The following ANXA8 variants were observed in gnomAD, a reference collection of about 807,000 sequenced individuals.
ANXA8 encodes the protein annexin A8.
In ANXA8, 9 loss-of-function variants were observed where a neutral mutation model predicts 26.8. That is an observed-to-expected ratio of 0.34 (90% CI 0.20 to 0.59). The LOEUF (loss-of-function observed/expected upper bound fraction) is 0.59. Ranked by LOEUF, ANXA8 falls within the 20% of genes least tolerant of loss-of-function variation. The pLI, the probability that ANXA8 is intolerant of heterozygous loss-of-function variation, is 0.84. For synonymous variants in ANXA8, 39 were observed against 94.8 expected (o/e 0.41, Z 3.42); for missense variants, 83 against 238.5 (o/e 0.35, Z 4.29).
chr10:47,733,207 T>TTC, the ANXA8 span, among the ~76,000 whole-genome samples: 3 of 90,064 alleles, frequency 3.3e-5, no homozygotes, highest in South Asian at 4.1e-4. Flanking sequence ...CTTTCTTTCT[T>TTC]TCTTTCTTTC....
chr10:47,718,103 G>T, the ANXA8 span, among the ~76,000 whole-genome samples: 1 of 152,146 alleles, frequency 6.6e-6, no homozygotes, highest in Non-Finnish European at 1.5e-5. Flanking sequence ...CTACTTGGGT[G>T]ATGATATGCC....
At chr10:47,528,226 C>T in the ANXA8 span, among the ~76,000 whole-genome samples, 1 of 141,208 alleles carries the variant, frequency 7.1e-6, no homozygotes, top group African/African-American at 2.6e-5. Context: ...ACTACAGGCA[C>T]CCGTTACCAT....
rs1346842546 is a variant in ANXA8 at position 47,473,950 on chromosome 10, G to A, written c.742+20C>T. On this transcript the variant is annotated intron_variant, in intron 9 of 11. Transcript: ENST00000585281. ...CGGTGAGCCCTGTGGCCTGAAAAAC[G>A]TGCAAGTCTGAGCTCTTACCCACAG... The A allele has an allele frequency of 7.0e-5, 32 of 454,226 alleles. 1 individual carries two copies. The highest frequency in any genetic ancestry group is 5.2e-4 in the Middle Eastern group (1 of 1,938). 28.1% of individuals were successfully genotyped at this position (454,226 alleles called of 1,614,324 possible).
the ANXA8 span, among the ~76,000 whole-genome samples, chr10:47,762,359 C>T: frequency 3.5e-5 from 5 of 141,846 alleles, no homozygotes; most frequent in African/African-American, 1.0e-4. Context: ...CAAAAAGGTG[C>T]CTCCCTTAGG....
chr10:47,976,727 C>T, the ANXA8 span, among the ~76,000 whole-genome samples: 1 of 149,078 alleles, frequency 6.7e-6, no homozygotes, highest in African/African-American at 2.4e-5. Context: ...GGCACATTCC[C>T]AGGGATTGTC....
At chr10:47,579,172 C>A in the ANXA8 span, among the ~76,000 whole-genome samples, 1 of 134,198 alleles carries the variant, frequency 7.5e-6, no homozygotes, top group Non-Finnish European at 1.6e-5. Flanking sequence ...CAGGGTCTGG[C>A]TCTGTTGCCC....
At chr10:47,655,879 G>T in the ANXA8 span, among the ~76,000 whole-genome samples, 1 of 151,864 alleles carries the variant, frequency 6.6e-6, no homozygotes, top group African/African-American at 2.4e-5. Context: ...AATTAGCTGG[G>T]CATGGTGGTG....
chr10:47,695,824 C>T, the ANXA8 span, among the ~76,000 whole-genome samples: 1 of 151,844 alleles, frequency 6.6e-6, no homozygotes, highest in Non-Finnish European at 1.5e-5. Flanking sequence ...TTTAGTTCTA[C>T]CTGATTCTAC....
chr10:47,488,243 C>T (rs1483683881), upstream of ANXA8, among the ~76,000 whole-genome samples: 2 of 140,062 alleles, frequency 1.4e-5, no homozygotes, highest in Non-Finnish European at 3.1e-5. Context: ...CAGAGTCTTG[C>T]TCTGTCACCC....
chr10:47,967,988 A>T, the ANXA8 span, among the ~76,000 whole-genome samples: 1 of 150,830 alleles, frequency 6.6e-6, no homozygotes, highest in Admixed American at 6.6e-5. Context: ...AAAAACCTAT[A>T]TTAAAACCCT....
At chr10:47,617,796 C>G in the ANXA8 span, among the ~76,000 whole-genome samples, 1 of 144,822 alleles carries the variant, frequency 6.9e-6, no homozygotes, top group East Asian at 1.9e-4. Flanking sequence ...GTTTTTGATA[C>G]AGTGAAATTA....
the ANXA8 span, among the ~76,000 whole-genome samples, chr10:47,708,073 T>C: frequency 7.2e-6 from 1 of 138,558 alleles, no homozygotes; most frequent in Non-Finnish European, 1.6e-5. Flanking sequence ...GTGCGGTGGC[T>C]CATGCCTGTA....
At chr10:47,507,677 C>T in the ANXA8 span, 171 of 1,422,388 alleles carry the variant, frequency 1.2e-4, 22 homozygotes, top group South Asian at 1.2e-3. Context: ...ACTCTCCTAG[C>T]GGCCCTGAAA....
chr10:47,733,298 T>TCTTTCTTTCTTTCTTTC, the ANXA8 span, among the ~76,000 whole-genome samples: 4 of 60,130 alleles, frequency 6.7e-5, 1 homozygote, highest in African/African-American at 1.7e-4. Context: ...TTTCTTTCTT[T>TCTTTCTTTCTTTCTTTC]TTTTTCTTTC....
chr10:47,748,122 C>T, the ANXA8 span, among the ~76,000 whole-genome samples: 2 of 151,856 alleles, frequency 1.3e-5, no homozygotes, highest in African/African-American at 4.8e-5. Flanking sequence ...TAAATATAGG[C>T]TGAGAACTTT....
At chr10:47,670,113 T>C in the ANXA8 span, among the ~76,000 whole-genome samples, 1 of 151,956 alleles carries the variant, frequency 6.6e-6, no homozygotes, top group South Asian at 2.1e-4. Flanking sequence ...AGTCATTCAG[T>C]ATGTGGCCTT....
At chr10:47,645,969 G>T in the ANXA8 span, among the ~76,000 whole-genome samples, 1 of 148,964 alleles carries the variant, frequency 6.7e-6, no homozygotes, top group Non-Finnish European at 1.5e-5. Flanking sequence ...GCAGGCAGGA[G>T]ATTGTGGAAT....
the ANXA8 span, among the ~76,000 whole-genome samples, chr10:47,586,201 C>T: frequency 2.8e-5 from 4 of 145,396 alleles, no homozygotes; most frequent in East Asian, 1.9e-4. Context: ...CAGGAATCCC[C>T]GTCCACCATA....
chr10:47,650,534 T>C, the ANXA8 span, among the ~76,000 whole-genome samples: 14 of 150,890 alleles, frequency 9.3e-5, no homozygotes, highest in Non-Finnish European at 1.5e-4. Flanking sequence ...AGGCCAGGTG[T>C]GGTGGCTCAC....
Sources: allele counts gnomAD v4.1 joint callset (sites outside exome capture counted in the v4.1 genomes callset), GRCh38; gene constraint gnomAD v4.1.1; transcripts MANE v1.5; gene names NCBI Gene and HGNC (gene_info 2026-07-23, HGNC 2026-07-21).